GTF2F2: variants seen among roughly 807,000 people sequenced by gnomAD.
GTF2F2 encodes general transcription factor IIF subunit 2, also known as ATP-dependent helicase GTF2F2.
GTF2F2 carries 23 observed loss-of-function variants against 42.2 expected under a neutral mutation model. The observed-to-expected ratio is 0.55, with a 90% CI of 0.39 to 0.77. The LOEUF (loss-of-function observed/expected upper bound fraction) is 0.77. GTF2F2 is among the 30% of genes least tolerant of loss of function. The pLI is 0.00. For missense variants in GTF2F2, 261 were observed against 287.2 expected (o/e 0.91, Z 0.66); for synonymous variants, 105 against 100.8 (o/e 1.04, Z -0.25).
At chr13:45,130,536 T>C (rs1869290976) in intron 1 of GTF2F2, among the ~76,000 whole-genome samples, 1 of 152,124 alleles carries the variant, frequency 6.6e-6, no homozygotes, top group East Asian at 1.9e-4. Context: ...GTTAAAACAA[T>C]AATTATTCAA....
rs60300648 is a variant in GTF2F2, at chr13:45,271,825, A to G, written c.630+4449A>G. On this transcript the variant is annotated intron_variant, in intron 7 of 7. Coordinates refer to ENST00000340473, the MANE Select transcript of GTF2F2 (RefSeq NM_004128.3). ...TCAGACAGGCTGCTTTCTGATTTCT[A>G]TATTATTAAGAATCATCATCATTAA... is the stretch of plus-strand genomic sequence containing the variant. Among the ~76,000 whole-genome samples, 431 of 152,206 alleles carry G rather than the reference A, an allele frequency of 2.8e-3. 1 individual carries two copies. Among genetic ancestry groups the G allele is most frequent in the African/African-American group, 9.6e-3 (400 of 41,554 alleles).
chr13:45,214,944 A>G (rs954437617), intron 5 of GTF2F2, among the ~76,000 whole-genome samples: 2 of 152,170 alleles, frequency 1.3e-5, no homozygotes, highest in African/African-American at 2.4e-5. Context: ...TTGTCTTAAA[A>G]GTTTTTATTT....
At chr13:45,252,835 A>T (rs1473906443) in intron 5 of GTF2F2, 36 bp from the exon 6 acceptor site, 2 of 824,624 alleles carry the variant, frequency 2.4e-6, no homozygotes. Context: ...ACTCTGCTAA[A>T]CAAGAGTGTT....
intron 2 of GTF2F2, among the ~76,000 whole-genome samples, chr13:45,148,795 GT>G (rs1389959594): frequency 2.0e-5 from 3 of 151,806 alleles, no homozygotes; most frequent in African/African-American, 7.3e-5. Context: ...ATTTTGCTTT[GT>G]AAAAAAAATT....
At chr13:45,123,647 A>AC (rs1555262994) in intron 1 of GTF2F2, among the ~76,000 whole-genome samples, 5 of 151,234 alleles carry the variant, frequency 3.3e-5, no homozygotes, top group Middle Eastern at 3.4e-3. Context: ...AAAAAAAAAA[A>AC]CAACCAAAAC....
chr13:45,123,870 C>G (rs566062394), intron 1 of GTF2F2: 162 of 314,380 alleles, frequency 5.2e-4, no homozygotes, highest in African/African-American at 3.3e-3. Context: ...CTAGGCCCCT[C>G]CCTCTTCAGG....
chr13:45,273,672 T>TTTTTTTTA (rs1415811432), intron 7 of GTF2F2, among the ~76,000 whole-genome samples: 1 of 148,822 alleles, frequency 6.7e-6, no homozygotes, highest in African/African-American at 2.5e-5. Flanking sequence ...TTTTTTTTTT[T>TTTTTTTTA]GAGACGGAGT....
intron 7 of GTF2F2, among the ~76,000 whole-genome samples, chr13:45,279,128 T>C (rs1352644386): frequency 6.6e-6 from 1 of 152,150 alleles, no homozygotes; most frequent in Non-Finnish European, 1.5e-5. Flanking sequence ...CGGCGTAATA[T>C]GCCTTTTTCT....
chr13:45,237,811 T>TAC (rs1166220234), intron 5 of GTF2F2, among the ~76,000 whole-genome samples: 1 of 152,254 alleles, frequency 6.6e-6, no homozygotes, highest in African/African-American at 2.4e-5. Flanking sequence ...AAACAAAAGA[T>TAC]ACTTCATTTT....
intron 5 of GTF2F2, among the ~76,000 whole-genome samples, chr13:45,243,170 G>A (rs140950694): frequency 5.9e-5 from 9 of 152,120 alleles, no homozygotes; most frequent in South Asian, 2.1e-4. Context: ...ATATAAAATG[G>A]TGTTGTATTT....
At chr13:45,248,417 GTTTTGTTTTGTTTTTTGTTTTTTTGT>G (rs1875737306) in intron 5 of GTF2F2, among the ~76,000 whole-genome samples, 1 of 151,580 alleles carries the variant, frequency 6.6e-6, no homozygotes, top group South Asian at 2.1e-4. Flanking sequence ...GTGTTTTTTT[GTTTTGTTTTGTTTTTTGTTTTTTTGT>G]TTTTGTTTTT....
Position 45,151,842 on chromosome 13 carries a change from A to G in GTF2F2, c.304+11A>G. ...CTGAGAGCTCATCAGGTAAGTGGGAATGGAATTATTTAATGTGATTCCTGT... is the reference window on the plus strand; with the variant it reads ...CTGAGAGCTCATCAGGTAAGTGGGAGTGGAATTATTTAATGTGATTCCTGT... On this transcript the variant is annotated intron_variant, in intron 4 of 7. Transcript: ENST00000340473. 1 of 1,350,100 alleles carries G rather than the reference A, an allele frequency of 7.4e-7. No individual in the cohort carries two copies. Among genetic ancestry groups the G allele is most frequent in the Non-Finnish European group, 1.0e-6 (1 of 1,004,316 alleles). 83.6% of individuals were successfully genotyped at this position (1,350,100 alleles called of 1,614,324 possible).
At chr13:45,133,253 C>T (rs546149337) in intron 1 of GTF2F2, among the ~76,000 whole-genome samples, 10 of 151,460 alleles carry the variant, frequency 6.6e-5, no homozygotes, top group Admixed American at 2.0e-4. Context: ...TTAGAGTCAG[C>T]GAATTGAGGG....
chr13:45,256,842 GC>G (rs1876124130), intron 6 of GTF2F2, among the ~76,000 whole-genome samples: 2 of 152,066 alleles, frequency 1.3e-5, no homozygotes, highest in African/African-American at 4.8e-5. Context: ...TGAAAGTCTT[GC>G]CAGATAAAGT....
At chr13:45,251,043 A>T (rs1875856616) in intron 5 of GTF2F2, among the ~76,000 whole-genome samples, 1 of 152,250 alleles carries the variant, frequency 6.6e-6, no homozygotes, top group Non-Finnish European at 1.5e-5. Context: ...TGTAACTGGA[A>T]TAATTTAAAT....
intron 5 of GTF2F2, among the ~76,000 whole-genome samples, chr13:45,251,757 G>GTGAGGAT (rs1875887886): frequency 6.6e-6 from 1 of 151,696 alleles, no homozygotes; most frequent in African/African-American, 2.4e-5. Flanking sequence ...ATAAACATAA[G>GTGAGGAT]CTTTTGTCCA....
At chr13:45,208,222 C>T (rs1028725320) in intron 5 of GTF2F2, among the ~76,000 whole-genome samples, 10 of 151,960 alleles carry the variant, frequency 6.6e-5, no homozygotes, top group Admixed American at 2.6e-4. Flanking sequence ...AACATATATA[C>T]TGTGTTAGAG....
chr13:45,124,601 G>C (rs1868875749), intron 1 of GTF2F2, among the ~76,000 whole-genome samples: 1 of 151,966 alleles, frequency 6.6e-6, no homozygotes, highest in Non-Finnish European at 1.5e-5. Context: ...GTCTCACCCG[G>C]TCACCCAGGC....
chr13:45,247,055 A>G (rs978047776), intron 5 of GTF2F2, among the ~76,000 whole-genome samples: 7 of 143,906 alleles, frequency 4.9e-5, no homozygotes, highest in African/African-American at 1.6e-4. Context: ...AAAAAAAAAA[A>G]GTTAAGCTTC....
Sources: gnomAD v4.1 joint callset for allele counts (sites outside exome capture counted in the v4.1 genomes callset) on GRCh38, gnomAD v4.1.1 for gene constraint, MANE v1.5 for transcripts, NCBI Gene and HGNC (gene_info 2026-07-23, HGNC 2026-07-21) for gene names.